Variants in SNAP91 observed in about 807,000 individuals in gnomAD.
SNAP91 encodes clathrin coat assembly protein AP180.
In SNAP91, 27 loss-of-function variants were observed where a neutral mutation model predicts 100.3. The ratio of observed to expected loss-of-function variants is 0.27; its 90% CI spans 0.20 to 0.37. The LOEUF (loss-of-function observed/expected upper bound fraction) is 0.37, where lower values mean the gene tolerates loss of function less well. SNAP91 is among the 10% of genes least tolerant of loss of function. The pLI is 1.00. For missense variants in SNAP91, 986 were observed against 1,123.7 expected (o/e 0.88, Z 1.75); for synonymous variants, 404 against 398.6 (o/e 1.01, Z -0.16).
intron 8 of SNAP91, among the ~76,000 whole-genome samples, chr6:83,639,707 G>C (rs938185362): frequency 6.6e-6 from 1 of 152,062 alleles, no homozygotes; most frequent in African/African-American, 2.4e-5. Flanking sequence ...TTGTAATGCT[G>C]ATTAGAGAAG....
At chr6:83,649,044 A>C (rs2098084371) in intron 7 of SNAP91, among the ~76,000 whole-genome samples, 1 of 152,170 alleles carries the variant, frequency 6.6e-6, no homozygotes, top group Non-Finnish European at 1.5e-5. Flanking sequence ...TTTTAGTTTT[A>C]ACTTTTATAT....
At chr6:83,620,608 T>C (rs1300868563) in intron 9 of SNAP91, among the ~76,000 whole-genome samples, 1 of 152,234 alleles carries the variant, frequency 6.6e-6, no homozygotes, top group Non-Finnish European at 1.5e-5. Context: ...TGTTTAGCTC[T>C]ATGTCACTCA....
chr6:83,684,484 A>G (rs2099034171), intron 2 of SNAP91, among the ~76,000 whole-genome samples: 1 of 152,126 alleles, frequency 6.6e-6, no homozygotes. Flanking sequence ...GCTCCAATTC[A>G]TCCTAGATGC....
intron 16 of SNAP91, among the ~76,000 whole-genome samples, chr6:83,600,693 A>G (rs1163531734): frequency 6.6e-6 from 1 of 152,242 alleles, no homozygotes; most frequent in Non-Finnish European, 1.5e-5. Context: ...GTGCTGCTTC[A>G]GATGTTTTCT....
At chr6:83,557,720 A>G (rs1018337482) in intron 28 of SNAP91, among the ~76,000 whole-genome samples, 2 of 151,862 alleles carry the variant, frequency 1.3e-5, no homozygotes, top group Non-Finnish European at 2.9e-5. Flanking sequence ...AAAACCTGGG[A>G]TCTGTTTCAT....
chr6:83,628,222 C>CATATATATATATATATATATATATAT lies in SNAP91; in HGVS notation c.766-4881_766-4880insATATATATATATATATATATATATAT, dbSNP rs57893971. On this transcript the variant is annotated intron_variant, in intron 8 of 29. Transcript: ENST00000369694. ...TATAGCTAAGTAATATTCCATTTTA[C>CATATATATATATATATATATATATAT]ATATATATATATATATATATATATC... Among the ~76,000 whole-genome samples, 983 of 124,248 alleles carry CATATATATATATATATATATATATAT rather than the reference C, an allele frequency of 7.9e-3. 27 individuals carry two copies. The highest frequency in any genetic ancestry group is 0.017 in the East Asian group (58 of 3,360). 81.5% of individuals were successfully genotyped at this position (124,248 alleles called of 152,430 possible). A position where few individuals can be genotyped will look rare whatever the true frequency, so the allele number is the denominator to read the frequency against.
chr6:83,571,350 G>T (rs533179305), intron 26 of SNAP91, among the ~76,000 whole-genome samples: 1 of 152,240 alleles, frequency 6.6e-6, no homozygotes, highest in African/African-American at 2.4e-5. Context: ...TGATCTGCCT[G>T]CCTCGGCCTC....
chr6:83,663,506 A>C (rs1236311691), intron 3 of SNAP91, among the ~76,000 whole-genome samples: 1 of 152,152 alleles, frequency 6.6e-6, no homozygotes, highest in Non-Finnish European at 1.5e-5. Flanking sequence ...GTCTGGATAA[A>C]AGATCAAACC....
At chr6:83,690,465 AT>A in intron 2 of SNAP91, 1 of 1,220,382 alleles carries the variant, frequency 8.2e-7, no homozygotes, top group Non-Finnish European at 1.1e-6. Flanking sequence ...TCAGTTACAC[AT>A]TAATAAGAAA....
intron 28 of SNAP91, among the ~76,000 whole-genome samples, chr6:83,556,933 G>C (rs1405686768): frequency 1.3e-5 from 2 of 152,130 alleles, no homozygotes; most frequent in Non-Finnish European, 2.9e-5. Context: ...ATAGTTTCCT[G>C]GTAGTGAATG....
chr6:83,563,488 A>G lies in SNAP91; in HGVS notation c.2443-2541T>C, dbSNP rs1791640648. 2.6e-5 allele frequency among the ~76,000 whole-genome samples: 4 copies of G among 152,342 alleles called. No individual in the cohort carries two copies. In the South Asian group the frequency reaches 8.3e-4, roughly 32 times the overall value. On this transcript the variant is annotated intron_variant, in intron 26 of 29. Coordinates refer to ENST00000369694, the MANE Select transcript of SNAP91 (RefSeq NM_001242792.2). Reference sequence around the variant, plus strand: ...CTAAAAACAAGACAAGGAGGTTATGAAAGTTCTAAGTCAGGGCAGTTAGCA... The same window carrying G: ...CTAAAAACAAGACAAGGAGGTTATGGAAGTTCTAAGTCAGGGCAGTTAGCA...
chr6:83,580,394 A>G (rs1826329858), intron 24 of SNAP91, 56 bp downstream of exon 24: 1 of 1,539,808 alleles, frequency 6.5e-7, no homozygotes, highest in Non-Finnish European at 8.8e-7. Context: ...AGAGAAACAA[A>G]AAACAATTCA....
intron 11 of SNAP91, among the ~76,000 whole-genome samples, chr6:83,612,983 T>C (rs2096251127): frequency 6.6e-6 from 1 of 151,902 alleles, no homozygotes; most frequent in East Asian, 1.9e-4. Context: ...TAACATCTTC[T>C]ACCCCACAGC....
At chr6:83,702,259 A>C (rs1379332394) in intron 2 of SNAP91, among the ~76,000 whole-genome samples, 2 of 152,152 alleles carry the variant, frequency 1.3e-5, no homozygotes, top group African/African-American at 4.8e-5. Flanking sequence ...CTTAAAATAC[A>C]ACTCTGTAAG....
intron 3 of SNAP91, among the ~76,000 whole-genome samples, chr6:83,664,636 A>G (rs186953752): frequency 6.6e-6 from 1 of 152,274 alleles, no homozygotes. Flanking sequence ...GAAAGAAAGT[A>G]GTTTCTTGAG....
chr6:83,705,419 C>T (rs1324646007), intron 2 of SNAP91, among the ~76,000 whole-genome samples: 5 of 152,162 alleles, frequency 3.3e-5, no homozygotes, highest in Middle Eastern at 3.4e-3. Context: ...GAGATTAGAC[C>T]ATTTAGGTTA....
chr6:83,652,891 T>C (rs1435089961), intron 7 of SNAP91, among the ~76,000 whole-genome samples: 1 of 152,184 alleles, frequency 6.6e-6, no homozygotes, highest in East Asian at 1.9e-4. Flanking sequence ...GTGGGTTGTC[T>C]CAGCACTAAA....
chr6:83,570,486 T>C (rs1804932882), intron 26 of SNAP91, among the ~76,000 whole-genome samples: 1 of 147,506 alleles, frequency 6.8e-6, no homozygotes, highest in Non-Finnish European at 1.5e-5. Context: ...ATGGGGAAAA[T>C]GTCTCCAGGA....
chr6:83,580,320 C>G, intron 24 of SNAP91, 130 bp downstream of exon 24: 1 of 901,972 alleles, frequency 1.1e-6, no homozygotes, highest in Non-Finnish European at 1.6e-6. Context: ...TCTATTCCCT[C>G]CCTGCCATAC....
Sources: gnomAD v4.1 joint callset for allele counts (sites outside exome capture counted in the v4.1 genomes callset) on GRCh38, gnomAD v4.1.1 for gene constraint, MANE v1.5 for transcripts, NCBI Gene and HGNC (gene_info 2026-07-23, HGNC 2026-07-21) for gene names.